The following USP40 variants were observed in gnomAD, a reference collection of about 807,000 sequenced individuals.
USP40 encodes the protein ubiquitin carboxyl-terminal hydrolase 40.
USP40 carries 143 observed loss-of-function variants against 166.2 expected under a neutral mutation model. The ratio of observed to expected loss-of-function variants is 0.86; its 90% CI spans 0.75 to 0.99. USP40 has a LOEUF of 0.99. USP40 is among the 50% of genes least tolerant of loss of function. USP40 has a pLI of 0.00. For synonymous variants in USP40, 498 were observed against 524.0 expected (o/e 0.95, Z 0.68); for missense variants, 1,444 against 1,479.7 (o/e 0.98, Z 0.40).
chr2:233,489,685 T>C, intron 26 of USP40: 3 of 502,376 alleles, frequency 6.0e-6, no homozygotes, highest in African/African-American at 2.0e-5. Context: ...CATATTCCTC[T>C]GCACTGAAAT....
chr2:233,478,162 AT>A (rs754780034), intron 31 of USP40, among the ~76,000 whole-genome samples: 1 of 152,240 alleles, frequency 6.6e-6, no homozygotes, highest in Non-Finnish European at 1.5e-5. Context: ...CTGCCTTGTA[AT>A]TTTGGGGATA....
intron 3 of USP40, among the ~76,000 whole-genome samples, chr2:233,560,176 C>T (rs1433838458): frequency 6.6e-6 from 1 of 152,128 alleles, no homozygotes. Flanking sequence ...CTCAAATAGG[C>T]CTTAATAAAC....
rs146934867 is a variant in USP40, at chr2:233,538,145, T to C, written c.1170+2517A>G. On this transcript the variant is annotated intron_variant, in intron 10 of 31. Coordinates refer to ENST00000678225, the MANE Select transcript of USP40 (RefSeq NM_001365479.2). ...TAATCGCTAGATGAAATTAAATAGA[T>C]TAAAAAGCCAACAAAAGAGCTAAAA... Among the ~76,000 whole-genome samples the C allele has an allele frequency of 1.5e-3, 224 of 151,886 alleles. 4 individuals are homozygous for C. The highest frequency in any genetic ancestry group is 5.1e-3 in the African/African-American group (211 of 41,416).
chr2:233,520,651 T>TA (rs1233098179), intron 17 of USP40, among the ~76,000 whole-genome samples: 1 of 151,708 alleles, frequency 6.6e-6, no homozygotes, highest in African/African-American at 2.4e-5. Flanking sequence ...ATACTTGGCT[T>TA]AAAAAAAATA....
intron 21 of USP40, among the ~76,000 whole-genome samples, chr2:233,504,900 T>C (rs2066316698): frequency 6.6e-6 from 1 of 152,072 alleles, no homozygotes; most frequent in African/African-American, 2.4e-5. Context: ...AACTGCAGGA[T>C]ACACATTCTT....
At chr2:233,542,930 A>C (rs561719634) in intron 8 of USP40, among the ~76,000 whole-genome samples, 1 of 152,146 alleles carries the variant, frequency 6.6e-6, no homozygotes, top group Non-Finnish European at 1.5e-5. Flanking sequence ...ACATAATTTG[A>C]TATGTTGAGT....
In USP40 at chr2:233,489,420, T is replaced by C; in HGVS notation, c.3076A>G (p.Thr1026Ala). The C allele has an allele frequency of 6.2e-7, 1 of 1,606,668 alleles. No homozygotes were observed. Among genetic ancestry groups the C allele is most frequent in the Non-Finnish European group, 8.5e-7 (1 of 1,176,820 alleles). The change falls in exon 27 of 32, where the codon ACG (threonine) becomes GCG (alanine). Residue 1026 changes from threonine (T) to alanine (A), a missense_variant. Transcript: ENST00000678225. ...CTGCCTGGGCGCTTCCTCTCCACCG[T>C]CCAGGCTCTGAGGTGGGCTGGGGAC... ...VPSPAHLRAW[T>A]VERKRPGRLL...
chr2:233,503,312 GAAGTGCCA>G (rs1440249891), intron 21 of USP40, among the ~76,000 whole-genome samples: 1 of 152,146 alleles, frequency 6.6e-6, no homozygotes, highest in Non-Finnish European at 1.5e-5. Flanking sequence ...TCTCATTGTA[GAAGTGCCA>G]GGGGGAGAAT....
At chr2:233,523,721 G>A (rs2067819575) in intron 15 of USP40, among the ~76,000 whole-genome samples, 2 of 152,094 alleles carry the variant, frequency 1.3e-5, no homozygotes, top group African/African-American at 4.8e-5. Flanking sequence ...AGACATTTAT[G>A]AGTTATCATG....
chr2:233,485,328 A>C (rs1183062246), intron 30 of USP40, among the ~76,000 whole-genome samples: 2 of 152,140 alleles, frequency 1.3e-5, no homozygotes, highest in Admixed American at 6.5e-5. Flanking sequence ...ATTTTATTTT[A>C]GTGTCCTTGG....
At chr2:233,563,700 C>G (rs55888324) in intron 2 of USP40, among the ~76,000 whole-genome samples, 2 of 152,218 alleles carry the variant, frequency 1.3e-5, no homozygotes, top group South Asian at 2.1e-4. Flanking sequence ...AAATTTCCCC[C>G]GCCAGTTCTC....
At chr2:233,523,585 T>C in intron 15 of USP40, 96 bp from the exon 16 acceptor site, 1 of 1,173,562 alleles carries the variant, frequency 8.5e-7, no homozygotes, top group Non-Finnish European at 1.2e-6. Flanking sequence ...ACAACCCTCA[T>C]TTTTTCCAAG....
chr2:233,533,981 T>G (rs1042602574), intron 10 of USP40, among the ~76,000 whole-genome samples: 1 of 152,332 alleles, frequency 6.6e-6, no homozygotes, highest in Non-Finnish European at 1.5e-5. Context: ...AGTCTGATAG[T>G]GACATCCAGG....
chr2:233,478,739 G>T (rs947150288), intron 31 of USP40, among the ~76,000 whole-genome samples: 13 of 152,182 alleles, frequency 8.5e-5, no homozygotes, highest in Non-Finnish European at 1.5e-4. Flanking sequence ...AGGACACCAC[G>T]CTCCCACCAT....
chr2:233,499,518 T>C (rs1302172373), intron 22 of USP40, among the ~76,000 whole-genome samples: 1 of 152,246 alleles, frequency 6.6e-6, no homozygotes, highest in African/African-American at 2.4e-5. Flanking sequence ...CCTTTGGGTA[T>C]ATACCCAGTA....
intron 14 of USP40, 150 bp downstream of exon 14, chr2:233,525,328 T>A: frequency 2.0e-6 from 1 of 491,408 alleles, no homozygotes; most frequent in South Asian, 4.8e-5. Flanking sequence ...ATATTTTATT[T>A]CTTTTGGAAA....
At chr2:233,511,355 T>C (rs1437334283) in intron 20 of USP40, among the ~76,000 whole-genome samples, 1 of 152,174 alleles carries the variant, frequency 6.6e-6, no homozygotes, top group East Asian at 1.9e-4. Flanking sequence ...CAGCTATAAC[T>C]GCAGAACGTC....
chr2:233,523,069 C>T, intron 16 of USP40, 101 bp downstream of exon 16: 1 of 1,240,618 alleles, frequency 8.1e-7, no homozygotes. Flanking sequence ...AATAAAGAAA[C>T]ATTCAACTCT....
intron 5 of USP40, 130 bp downstream of exon 5, chr2:233,556,725 G>GAA: frequency 4.7e-6 from 4 of 844,002 alleles, no homozygotes; most frequent in South Asian, 3.2e-5. Flanking sequence ...GTAGTTAGAA[G>GAA]AAAAAAAAAC....
Sources: gnomAD v4.1 joint callset for allele counts (sites outside exome capture counted in the v4.1 genomes callset) on GRCh38, gnomAD v4.1.1 for gene constraint, MANE v1.5 for transcripts, NCBI Gene and HGNC (gene_info 2026-07-23, HGNC 2026-07-21) for gene names.